Variants in PAX2 observed in about 807,000 individuals in gnomAD.
The protein encoded by PAX2 is paired box protein Pax-2.
Under a neutral mutation model 41.7 loss-of-function variants are expected in PAX2, and 9 were observed. The ratio of observed to expected loss-of-function variants is 0.22; its 90% confidence interval spans 0.13 to 0.38. The LOEUF is 0.38. PAX2 is among the 10% of genes least tolerant of loss of function. PAX2 has a pLI of 1.00. For missense variants in PAX2, 418 were observed against 531.6 expected (o/e 0.79, Z 2.10); for synonymous variants, 221 against 212.7 (o/e 1.04, Z -0.34).
At chr10:100,783,423 G>C (rs1034453870) in intron 5 of PAX2, among the ~76,000 whole-genome samples, 5 of 152,210 alleles carry the variant, frequency 3.3e-5, no homozygotes, top group African/African-American at 1.2e-4. Context: ...GCCAGGAAGG[G>C]CTGCTCTTTG....
chr10:100,761,457 A>G (rs1458355926), intron 3 of PAX2, among the ~76,000 whole-genome samples: 1 of 152,186 alleles, frequency 6.6e-6, no homozygotes, highest in Non-Finnish European at 1.5e-5. Flanking sequence ...AGACTCCCTT[A>G]GGAGATGACC....
chr10:100,745,388 C>T (rs1007522881), upstream of PAX2, among the ~76,000 whole-genome samples: 2 of 151,824 alleles, frequency 1.3e-5, no homozygotes, highest in Admixed American at 6.6e-5. Context: ...CTGCCCTCCC[C>T]TAGCCGGCAC....
Position 100,753,913 on chromosome 10 carries a change from C to T in PAX2, c.410+3022C>T, listed in dbSNP as rs144589657. On this transcript the variant is annotated intron_variant, in intron 3 of 9. Transcript: ENST00000355243. The stretch of plus-strand genomic sequence containing the variant: ...GAGGACTGGGTCAGGAAGGCCTCCC[C>T]ACTGCCACAAACCACGTTCAAAAAT... Among the ~76,000 whole-genome samples, 235 of 152,354 alleles carry T rather than the reference C, an allele frequency of 1.5e-3. 1 individual carries two copies. The highest frequency in any genetic ancestry group is 3.3e-3 in the Admixed American group (50 of 15,308).
At chr10:100,795,894 C>T (rs1847312421) in intron 5 of PAX2, among the ~76,000 whole-genome samples, 1 of 152,232 alleles carries the variant, frequency 6.6e-6, no homozygotes, top group African/African-American at 2.4e-5. Flanking sequence ...CAAAAGCAAG[C>T]TAAGGTTGAG....
chr10:100,801,679 C>G (rs1389608778), intron 5 of PAX2, among the ~76,000 whole-genome samples: 1 of 152,234 alleles, frequency 6.6e-6, no homozygotes, highest in African/African-American at 2.4e-5. Context: ...ACCTGTGCCA[C>G]AGGCTGTAGC....
At chr10:100,739,021 A>ACACACG (rs1844862508) in intron 1 of PAX2, among the ~76,000 whole-genome samples, 1 of 147,924 alleles carries the variant, frequency 6.8e-6, no homozygotes, top group Non-Finnish European at 1.5e-5. Flanking sequence ...GCGGACACAC[A>ACACACG]CACACACACA....
intron 1 of PAX2, chr10:100,747,921 T>A: frequency 1.0e-6 from 1 of 978,974 alleles, no homozygotes; most frequent in Non-Finnish European, 1.2e-6. Context: ...GAGTCCTGGC[T>A]GCCCGCGGGC....
rs1845287243 is a variant in PAX2 at position 100,748,365 on chromosome 10, C to T, written c.44-1381C>T. 2.0e-6 allele frequency: 2 copies of T among 984,332 alleles called. No individual in the cohort carries two copies. Among genetic ancestry groups the T allele is most frequent in the Non-Finnish European group, 2.4e-6 (2 of 829,268 alleles). The allele number at this position is 984,332 out of a possible 1,614,324, so 61.0% of individuals were successfully genotyped here. A position where few individuals can be genotyped will look rare whatever the true frequency, so the allele number is the denominator to read the frequency against. On this transcript the variant is annotated intron_variant, in intron 1 of 9. Coordinates refer to ENST00000355243, the MANE Select transcript of PAX2 (RefSeq NM_000278.5). This position sits in a 1 kb window ranked among gnomAD's most constrained non-coding sequence, Gnocchi z 5.0. ...AGGGGGTAAAAGAAGGGGCTTCAGT[C>T]TCTCCCAGCAACGCGATCAGAGGTC... is the stretch of plus-strand genomic sequence containing the variant.
chr10:100,751,656 G>C (rs751292917), intron 3 of PAX2, among the ~76,000 whole-genome samples: 1 of 152,156 alleles, frequency 6.6e-6, no homozygotes, highest in Non-Finnish European at 1.5e-5. Context: ...TAGGTCTCCT[G>C]GTCTCCAAAC....
intron 5 of PAX2, among the ~76,000 whole-genome samples, chr10:100,790,162 G>C (rs1441390279): frequency 2.6e-5 from 4 of 152,184 alleles, no homozygotes; most frequent in African/African-American, 9.7e-5. Flanking sequence ...TAGCACAAAA[G>C]AGTATATATT....
Position 100,750,924 on chromosome 10 carries a change from C to A in PAX2, c.410+33C>A. On this transcript the variant is annotated intron_variant, in intron 3 of 9. Coordinates refer to ENST00000355243, the MANE Select transcript of PAX2 (RefSeq NM_000278.5). The surrounding 1 kb of genome is among the most constrained non-coding windows in gnomAD (Gnocchi z 4.1). ...AGCCACCCGGGTTTTCAGGGCTGGACTCCAGCTCCTGGCTCCTGCCTGCAG... is the reference window on the plus strand; with the variant it reads ...AGCCACCCGGGTTTTCAGGGCTGGAATCCAGCTCCTGGCTCCTGCCTGCAG... The A allele has an allele frequency of 1.3e-6, 2 of 1,536,818 alleles. No individual in the cohort carries two copies. Among genetic ancestry groups the A allele is most frequent in the Non-Finnish European group, 1.8e-6 (2 of 1,110,572 alleles).
intron 5 of PAX2, among the ~76,000 whole-genome samples, chr10:100,783,940 C>T (rs911010454): frequency 5.3e-5 from 8 of 152,072 alleles, no homozygotes; most frequent in African/African-American, 1.9e-4. Context: ...CTTGACCAAC[C>T]CCAGGCCAAA....
intron 7 of PAX2, among the ~76,000 whole-genome samples, chr10:100,812,773 T>G (rs761922526): frequency 6.6e-6 from 1 of 152,176 alleles, no homozygotes; most frequent in Non-Finnish European, 1.5e-5. Flanking sequence ...AGATGAGAAC[T>G]TACTCCAGGA....
At chr10:100,803,572 G>A (rs779439960) in intron 5 of PAX2, among the ~76,000 whole-genome samples, 16 of 151,992 alleles carry the variant, frequency 1.1e-4, no homozygotes, top group Admixed American at 9.8e-4. Context: ...TCACCTCCCT[G>A]CACCCCATAA....
At chr10:100,812,461 AGGTTGGCT>A (rs1848026394) in intron 7 of PAX2, among the ~76,000 whole-genome samples, 1 of 152,152 alleles carries the variant, frequency 6.6e-6, no homozygotes, top group Admixed American at 6.5e-5. Context: ...AGGCTTTTTC[AGGTTGGCT>A]GGCTGTGGCT....
At chr10:100,741,518 G>A (rs1351726115), upstream of PAX2, among the ~76,000 whole-genome samples, 10 of 151,944 alleles carry the variant, frequency 6.6e-5, no homozygotes, top group Non-Finnish European at 1.3e-4. Flanking sequence ...GGCAGGAGCC[G>A]GTCAGGCCTT....
intron 3 of PAX2, among the ~76,000 whole-genome samples, chr10:100,753,262 T>C (rs577172007): frequency 6.6e-6 from 1 of 152,308 alleles, no homozygotes; most frequent in South Asian, 2.1e-4. Flanking sequence ...ATGGTTCATA[T>C]TTTGGAAAGA....
chr10:100,806,053 A>T (rs1847769573), intron 5 of PAX2, among the ~76,000 whole-genome samples: 1 of 152,154 alleles, frequency 6.6e-6, no homozygotes, highest in African/African-American at 2.4e-5. Context: ...CCAGTCTGAG[A>T]CACCCAGCTT....
chr10:100,822,474 A>G (rs973058332), intron 7 of PAX2, among the ~76,000 whole-genome samples: 2 of 152,228 alleles, frequency 1.3e-5, no homozygotes, highest in African/African-American at 4.8e-5. Flanking sequence ...CGATTAATCA[A>G]CAAGTGTTTA....
Sources: gnomAD v4.1 joint callset for allele counts (sites outside exome capture counted in the v4.1 genomes callset) on GRCh38, gnomAD v4.1.1 for gene constraint, Gnocchi (gnomAD v3.1) non-coding constraint, MANE v1.5 for transcripts, NCBI Gene and HGNC (gene_info 2026-07-23, HGNC 2026-07-21) for gene names.